YEATS4: variants seen among roughly 807,000 people sequenced by gnomAD.
The protein encoded by YEATS4 is YEATS domain containing 4.
Under a neutral mutation model 30.1 loss-of-function variants are expected in YEATS4, and 17 were observed. The ratio of observed to expected loss-of-function variants is 0.56; its 90% CI spans 0.39 to 0.85. YEATS4 has a LOEUF of 0.85. Ranked by LOEUF, YEATS4 falls within the 40% of genes least tolerant of loss-of-function variation. The pLI, the probability that YEATS4 is intolerant of heterozygous loss-of-function variation, is 0.00. For missense variants in YEATS4, 142 were observed against 268.3 expected (o/e 0.53, Z 3.29); for synonymous variants, 85 against 87.5 (o/e 0.97, Z 0.16).
chr12:69,426,056 G>A, the YEATS4 span, among the ~76,000 whole-genome samples: 3,107 of 152,204 alleles, frequency 0.02, 100 homozygotes, highest in African/African-American at 0.069. Context: ...TCAACTTAGC[G>A]AGACCCTGTC....
chr12:69,409,139 G>A, the YEATS4 span, among the ~76,000 whole-genome samples: 387 of 152,234 alleles, frequency 2.5e-3, 3 homozygotes, highest in Middle Eastern at 0.01. Context: ...GGTTTGAATC[G>A]TGGCTCCGTT....
At chr12:69,406,423 G>A in the YEATS4 span, among the ~76,000 whole-genome samples, 1 of 152,150 alleles carries the variant, frequency 6.6e-6, no homozygotes, top group Non-Finnish European at 1.5e-5. Flanking sequence ...CACCCCCTTG[G>A]TTCAAGTGAT....
At chr12:69,363,449 C>A (rs1186064118) in intron 2 of YEATS4, among the ~76,000 whole-genome samples, 1 of 152,098 alleles carries the variant, frequency 6.6e-6, no homozygotes, top group Non-Finnish European at 1.5e-5. Flanking sequence ...ATTAAGATAA[C>A]AAGAACTATT....
At chr12:69,420,782 A>G in the YEATS4 span, among the ~76,000 whole-genome samples, 2 of 152,134 alleles carry the variant, frequency 1.3e-5, no homozygotes, top group Non-Finnish European at 2.9e-5. Flanking sequence ...AAAGAGGCCC[A>G]TTAGCTACCA....
chr12:69,368,032 T>C (rs1301987240), intron 4 of YEATS4, among the ~76,000 whole-genome samples: 1 of 152,222 alleles, frequency 6.6e-6, no homozygotes, highest in Non-Finnish European at 1.5e-5. Flanking sequence ...ATATAACCTA[T>C]TGCACTGCTA....
At chr12:69,386,933 T>G (rs1225960554) in intron 6 of YEATS4, among the ~76,000 whole-genome samples, 7 of 152,122 alleles carry the variant, frequency 4.6e-5, no homozygotes, top group Non-Finnish European at 1.0e-4. Context: ...CAACACTAAT[T>G]AATAAAATAG....
the YEATS4 span, among the ~76,000 whole-genome samples, chr12:69,403,157 A>G: frequency 6.6e-6 from 1 of 152,210 alleles, no homozygotes; most frequent in Non-Finnish European, 1.5e-5. Flanking sequence ...CTAGACTGGG[A>G]CTGTATAAGA....
chr12:69,366,834 C>T (rs1431287195), intron 4 of YEATS4, among the ~76,000 whole-genome samples: 1 of 152,136 alleles, frequency 6.6e-6, no homozygotes, highest in South Asian at 2.1e-4. Context: ...TTCAGCAAAC[C>T]GGTTCCTAAC....
At chr12:69,392,332 T>C (rs568671405), downstream of YEATS4, among the ~76,000 whole-genome samples, 1 of 152,304 alleles carries the variant, frequency 6.6e-6, no homozygotes, top group Non-Finnish European at 1.5e-5. Flanking sequence ...TGGCAATTCT[T>C]CAAAAAGTTA....
chr12:69,389,837 G>C (rs921050378), intron 6 of YEATS4, among the ~76,000 whole-genome samples: 4 of 151,988 alleles, frequency 2.6e-5, no homozygotes, highest in African/African-American at 7.2e-5. Context: ...GATGTATCTT[G>C]GGTTTGTGTG....
At chr12:69,404,305 C>T in the YEATS4 span, among the ~76,000 whole-genome samples, 1 of 152,178 alleles carries the variant, frequency 6.6e-6, no homozygotes, top group Admixed American at 6.6e-5. Context: ...AATGCAGTTG[C>T]TTGTTGCTAT....
At chr12:69,392,361 CACA>C (rs1868322360), downstream of YEATS4, among the ~76,000 whole-genome samples, 1 of 152,174 alleles carries the variant, frequency 6.6e-6, no homozygotes, top group Non-Finnish European at 1.5e-5. Flanking sequence ...TATCCAATGA[CACA>C]ACAATTCCAC....
intron 6 of YEATS4, among the ~76,000 whole-genome samples, chr12:69,383,270 A>AC (rs1876149301): frequency 6.6e-6 from 1 of 152,224 alleles, no homozygotes. Context: ...TCTCAAAAAA[A>AC]AAAAGTGCAA....
intron 6 of YEATS4, among the ~76,000 whole-genome samples, chr12:69,383,209 A>C (rs1032286601): frequency 1.3e-5 from 2 of 152,054 alleles, no homozygotes; most frequent in Non-Finnish European, 2.9e-5. Flanking sequence ...GGCTTTAATG[A>C]GCTGTTGTCA....
chr12:69,375,354 A>G (rs160831), intron 6 of YEATS4, among the ~76,000 whole-genome samples: 112,977 of 148,836 alleles, frequency 0.76, 42,985 homozygotes, highest in African/African-American at 0.87. Flanking sequence ...GGGCGGCCGG[A>G]CAGAGACGCT....
the YEATS4 span, among the ~76,000 whole-genome samples, chr12:69,398,656 A>AT: frequency 1.1e-4 from 17 of 151,928 alleles, no homozygotes; most frequent in Non-Finnish European, 1.2e-4. Flanking sequence ...CTACTAAAAA[A>AT]ATATAAAAAT....
At chr12:69,400,625 A>G in the YEATS4 span, among the ~76,000 whole-genome samples, 1 of 151,986 alleles carries the variant, frequency 6.6e-6, no homozygotes, top group Non-Finnish European at 1.5e-5. Flanking sequence ...AGGCATGAGG[A>G]TCACATGAGC....
the YEATS4 span, among the ~76,000 whole-genome samples, chr12:69,405,058 C>T: frequency 6.6e-6 from 1 of 152,182 alleles, no homozygotes; most frequent in African/African-American, 2.4e-5. Context: ...CTTGTCTCTG[C>T]TCTTCTCACT....
At chr12:69,380,024 T>C (rs1312380666) in intron 6 of YEATS4, among the ~76,000 whole-genome samples, 1 of 152,244 alleles carries the variant, frequency 6.6e-6, no homozygotes, top group Non-Finnish European at 1.5e-5. Context: ...TTCTTTTGAG[T>C]TTCCTCAAAA....
Sources: gnomAD v4.1 joint callset for allele counts (sites outside exome capture counted in the v4.1 genomes callset) on GRCh38, gnomAD v4.1.1 for gene constraint, MANE v1.5 for transcripts, NCBI Gene and HGNC (gene_info 2026-07-23, HGNC 2026-07-21) for gene names.